Variants in ULK4 observed in about 807,000 individuals in gnomAD.
ULK4 encodes the protein unc-51 like kinase 4.
ULK4 carries 133 observed loss-of-function variants against 160.6 expected under a neutral mutation model. That is an observed-to-expected ratio of 0.83 (90% CI 0.72 to 0.96). ULK4 has a LOEUF of 0.96. Among genes scored for constraint, ULK4 ranks in the 40% least tolerant of loss-of-function variants. ULK4 has a pLI of 0.00. For synonymous variants in ULK4, 534 were observed against 539.8 expected, an observed-to-expected ratio of 0.99 and a Z score of 0.15; for missense variants, 1,580 against 1,499.5, an observed-to-expected ratio of 1.05 and a Z score of -0.89.
In ULK4 at chr3:41,570,232, C is replaced by T. The variant is rs116974794; in HGVS notation, c.3121-4102G>A. 1.7e-4 allele frequency among the ~76,000 whole-genome samples: 26 copies of T among 152,336 alleles called. No individual in the cohort carries two copies. The East Asian group carries it at 5.0e-3, about 29-fold the overall frequency. ...TGTTTAACACAAGACAAAGTGTTTGCTTTCCAAATACTGATGTCTAAAAAT... is the reference window on the plus strand; with the variant it reads ...TGTTTAACACAAGACAAAGTGTTTGTTTTCCAAATACTGATGTCTAAAAAT... On this transcript the variant is annotated intron_variant, in intron 31 of 36. Transcript: ENST00000301831.
At chr3:41,765,594 C>T (rs2039135378) in intron 21 of ULK4, among the ~76,000 whole-genome samples, 2 of 151,874 alleles carry the variant, frequency 1.3e-5, no homozygotes, top group South Asian at 4.2e-4. Flanking sequence ...GAAAAGACAA[C>T]ACAAAGAGGA....
intron 35 of ULK4, among the ~76,000 whole-genome samples, chr3:41,267,385 TACC>T (rs1436310157): frequency 6.6e-6 from 1 of 152,212 alleles, no homozygotes; most frequent in Non-Finnish European, 1.5e-5. Flanking sequence ...GGTGTATATG[TACC>T]ACATTTTCTT....
In ULK4 at chr3:41,449,397, TC is replaced by T. The variant is rs777109217; in HGVS notation, c.3492+6099del. 4.1e-4 allele frequency among the ~76,000 whole-genome samples: 63 copies of T among 152,212 alleles called. 2 individuals carry two copies. In the East Asian group the frequency reaches 0.012, roughly 28 times the overall value. On this transcript the variant is annotated intron_variant, in intron 34 of 36. Coordinates refer to ENST00000301831, the MANE Select transcript of ULK4 (RefSeq NM_017886.4). ...TTGAATCTGAGGTACTTATGGCGTATCCAGTGGAAATGTCCAGAAGGCAGAT... is the reference window on the plus strand; with the variant it reads ...TTGAATCTGAGGTACTTATGGCGTATCAGTGGAAATGTCCAGAAGGCAGAT...
At chr3:41,440,832 G>C (rs748038758) in intron 34 of ULK4, among the ~76,000 whole-genome samples, 2 of 151,982 alleles carry the variant, frequency 1.3e-5, no homozygotes, top group East Asian at 1.9e-4. Context: ...ATAGACACAG[G>C]GTTATTCAGG....
At chr3:41,569,098 G>A (rs759130637) in intron 31 of ULK4, among the ~76,000 whole-genome samples, 6 of 152,138 alleles carry the variant, frequency 3.9e-5, no homozygotes, top group African/African-American at 9.7e-5. Context: ...TGTCTTCCCC[G>A]GGCACACCAC....
At chr3:41,645,824 T>C (rs1384753091) in intron 30 of ULK4, among the ~76,000 whole-genome samples, 4 of 152,170 alleles carry the variant, frequency 2.6e-5, no homozygotes, top group African/African-American at 9.7e-5. Context: ...TGTGTGGGAG[T>C]CTAAGTCTCT....
intron 17 of ULK4, among the ~76,000 whole-genome samples, chr3:41,848,275 A>T (rs1657017664): frequency 7.8e-6 from 1 of 128,368 alleles, no homozygotes; most frequent in African/African-American, 4.5e-5. Flanking sequence ...TTTCTCATAC[A>T]GTCTTTCAGT....
chr3:41,501,551 G>T (rs746740230), intron 32 of ULK4, among the ~76,000 whole-genome samples: 3 of 152,016 alleles, frequency 2.0e-5, no homozygotes, highest in Non-Finnish European at 4.4e-5. Flanking sequence ...AATAAAAATT[G>T]TATCTATTTA....
chr3:41,429,283 C>T lies in ULK4; in HGVS notation c.3492+26214G>A, dbSNP rs577192575. On this transcript the variant is annotated intron_variant, in intron 34 of 36. Transcript: ENST00000301831. ...TAGAGAGGCTGTGGAGAAAGAGGAA[C>T]GCTTTACACTGTTGGTGGGAGTGTA... 5.3e-5 allele frequency among the ~76,000 whole-genome samples: 8 copies of T among 152,216 alleles called. No individual in the cohort carries two copies. The South Asian group carries it at 1.5e-3, about 28-fold the overall frequency.
intron 34 of ULK4, among the ~76,000 whole-genome samples, chr3:41,426,969 G>T (rs547090804): frequency 3.4e-4 from 52 of 152,228 alleles, no homozygotes; most frequent in African/African-American, 1.2e-3. Flanking sequence ...AGAAATCAAT[G>T]AATCCAGGAG....
Position 41,919,699 on chromosome 3 carries a change from T to C in ULK4, c.643+18A>G, listed in dbSNP as rs1431337418. 1 of 1,598,716 alleles carries C rather than the reference T, an allele frequency of 6.3e-7. No individual in the cohort carries two copies. The highest frequency in any genetic ancestry group is 8.6e-7 in the Non-Finnish European group (1 of 1,166,246). The stretch of plus-strand genomic sequence containing the variant: ...TTTAGTCCAGCTCTGATTTTATACC[T>C]ATTCAGGAAACAATTACCTGAAAAC... On this transcript the variant is annotated intron_variant, in intron 6 of 36. Transcript: ENST00000301831.
At chr3:41,705,683 A>G (rs1445843008) in intron 25 of ULK4, among the ~76,000 whole-genome samples, 2 of 152,018 alleles carry the variant, frequency 1.3e-5, no homozygotes, top group Admixed American at 6.6e-5. Context: ...TTTAGTAGAG[A>G]TGGGGTTTCT....
chr3:41,662,911 A>C lies in ULK4; in HGVS notation c.3071+696T>G, dbSNP rs756958333. On this transcript the variant is annotated intron_variant, in intron 30 of 36. Coordinates refer to ENST00000301831, the MANE Select transcript of ULK4 (RefSeq NM_017886.4). Reference sequence around the variant, plus strand: ...AGATAAAAGCTCTCTACCACTTAAAAATAAAAAATAAAAAAAAAAAGTATG... The same window carrying C: ...AGATAAAAGCTCTCTACCACTTAAACATAAAAAATAAAAAAAAAAAGTATG... 5.8e-4 allele frequency among the ~76,000 whole-genome samples: 88 copies of C among 152,036 alleles called. No individual in the cohort carries two copies. In the Middle Eastern group the frequency reaches 0.01, roughly 18 times the overall value.
chr3:41,402,924 G>A (rs940529833), intron 34 of ULK4, among the ~76,000 whole-genome samples: 1 of 152,122 alleles, frequency 6.6e-6, no homozygotes, highest in Non-Finnish European at 1.5e-5. Flanking sequence ...GCCAAGGCAG[G>A]CGGATCATCT....
chr3:41,561,120 A>C lies in ULK4; in HGVS notation c.3226+4905T>G, dbSNP rs149849340. Among the ~76,000 whole-genome samples, 1,171 of 152,266 alleles carry C rather than the reference A, an allele frequency of 7.7e-3. 10 individuals are homozygous for C. Among genetic ancestry groups the C allele is most frequent in the Middle Eastern group, 0.034 (10 of 294 alleles). On this transcript the variant is annotated intron_variant, in intron 32 of 36. Coordinates refer to ENST00000301831, the MANE Select transcript of ULK4 (RefSeq NM_017886.4). ...GGCCTTTTCTGCATCTATTGAGATA[A>C]TCATGTGGTTTTTGTCATTGATTCT...
intron 17 of ULK4, among the ~76,000 whole-genome samples, chr3:41,851,794 G>A (rs2042221656): frequency 6.6e-6 from 1 of 151,884 alleles, no homozygotes; most frequent in Non-Finnish European, 1.5e-5. Context: ...AGAGAAAGCA[G>A]GAAAGATCTA....
At chr3:41,493,315 C>T (rs1363759201) in intron 32 of ULK4, among the ~76,000 whole-genome samples, 3 of 145,184 alleles carry the variant, frequency 2.1e-5, no homozygotes, top group Non-Finnish European at 3.0e-5. Flanking sequence ...GAACAACCTG[C>T]TCCTGAATGA....
At chr3:41,397,263 T>C (rs2082082456) in intron 35 of ULK4, among the ~76,000 whole-genome samples, 1 of 152,192 alleles carries the variant, frequency 6.6e-6, no homozygotes, top group Admixed American at 6.6e-5. Flanking sequence ...CAGCTATATA[T>C]GCATTTTTAA....
intron 34 of ULK4, among the ~76,000 whole-genome samples, chr3:41,425,989 C>G (rs939198013): frequency 1.3e-5 from 2 of 152,032 alleles, no homozygotes; most frequent in Non-Finnish European, 2.9e-5. Flanking sequence ...GAATGGCAAG[C>G]AGGATAAAGA....
Sources: allele counts gnomAD v4.1 joint callset (sites outside exome capture counted in the v4.1 genomes callset), GRCh38; gene constraint gnomAD v4.1.1; transcripts MANE v1.5; gene names NCBI Gene and HGNC (gene_info 2026-07-23, HGNC 2026-07-21).